Variants in FAM20C observed in about 807,000 individuals in gnomAD.
FAM20C encodes the protein FAM20C golgi associated secretory pathway kinase, also known as extracellular serine/threonine protein kinase FAM20C.
In FAM20C, 40 loss-of-function variants were observed where a neutral mutation model predicts 51.5. The observed-to-expected ratio is 0.78, with a 90% CI of 0.60 to 1.01. FAM20C has a LOEUF of 1.01. Ranked by LOEUF, FAM20C falls within the 50% of genes least tolerant of loss-of-function variation. FAM20C has a pLI of 0.00. For synonymous variants in FAM20C, 406 were observed against 380.6 expected, an observed-to-expected ratio of 1.07 and a Z score of -0.78; for missense variants, 861 against 844.7, an observed-to-expected ratio of 1.02 and a Z score of -0.24.
At position 208,950 on chromosome 7, in the gene FAM20C, C is replaced by G; in HGVS notation, c.837C>G (p.Tyr279Ter). The G allele has an allele frequency of 6.3e-7, 1 of 1,585,466 alleles. No individual in the cohort carries two copies. ...AGCTCATCATGACCTTCCAGAATTA[C>G]GGGCAAGCGCTGTTCAAACCCATGA... ...QLKLIMTFQN[Y>*]GQALFKPMKQ... The change falls in exon 3 of 10, where the codon TAC becomes TAG. Residue 279 changes from tyrosine to a stop codon, truncating the protein, a stop_gained. Transcript: ENST00000313766. LOFTEE classifies it high-confidence loss of function.
chr7:217,304 G>A (rs1262237346), intron 3 of FAM20C, among the ~76,000 whole-genome samples: 1 of 27,704 alleles, frequency 3.6e-5, no homozygotes, highest in African/African-American at 1.4e-4. Context: ...GGCTTGCCCA[G>A]GCCCCTCCTG....
intron 2 of FAM20C, among the ~76,000 whole-genome samples, chr7:202,819 C>A (rs573326006): frequency 2.3e-4 from 35 of 151,430 alleles, no homozygotes; most frequent in African/African-American, 8.0e-4. Flanking sequence ...GGAATGGGGC[C>A]CGTGGACATC....
chr7:257,096 T>G lies in FAM20C; in HGVS notation c.1445+10T>G. On this transcript the variant is annotated intron_variant, in intron 8 of 9. Transcript: ENST00000313766. ...TAGACAATGGAAGAGGGTGAGCCTG[T>G]CCTCGCCCCTGCACACCCAGGGAAG... 6.5e-7 allele frequency: 1 copy of G among 1,536,558 alleles called. No homozygotes were observed. Among genetic ancestry groups the G allele is most frequent in the African/African-American group, 1.4e-5 (1 of 73,120 alleles).
intron 3 of FAM20C, among the ~76,000 whole-genome samples, chr7:232,985 G>A (rs975694792): frequency 1.4e-4 from 21 of 152,222 alleles, no homozygotes; most frequent in African/African-American, 3.1e-4. Flanking sequence ...ACGGACGTTC[G>A]GAACAGCAGG....
At chr7:257,998 TGGGGTGCTG>T (rs1562401294) in intron 8 of FAM20C, among the ~76,000 whole-genome samples, 2 of 62,196 alleles carry the variant, frequency 3.2e-5, no homozygotes, top group African/African-American at 1.6e-4. Flanking sequence ...ACCCACTGCC[TGGGGTGCTG>T]GAGATGGGGC....
At chr7:214,783 G>A (rs983171656) in intron 3 of FAM20C, among the ~76,000 whole-genome samples, 6 of 152,198 alleles carry the variant, frequency 3.9e-5, no homozygotes, top group African/African-American at 7.2e-5. Context: ...TGAGTCCGGT[G>A]GACGCACCCA....
At position 193,415 on chromosome 7, in the gene FAM20C, C is replaced by T; in HGVS notation, c.216C>T (p.Ala72=). 1 of 1,413,408 alleles carries T rather than the reference C, an allele frequency of 7.1e-7. No homozygotes were observed. 87.6% of individuals were successfully genotyped at this position (1,413,408 alleles called of 1,614,324 possible). The part of the protein sequence containing the change: ...QVRGRPGEPP[A]ASSAAGDAGW... The stretch of plus-strand genomic sequence containing the variant: ...GGGGCCGCCCCGGGGAGCCCCCGGC[C>T]GCCTCCTCCGCCGCCGGCGACGCGG... Residue 72 remains alanine (A), a synonymous_variant, in exon 1 of 10, where the codon GCC becomes GCT. Coordinates refer to ENST00000313766, the MANE Select transcript of FAM20C (RefSeq NM_020223.4).
chr7:220,830 C>T (rs569713819), intron 3 of FAM20C, among the ~76,000 whole-genome samples: 51 of 152,342 alleles, frequency 3.3e-4, no homozygotes, highest in East Asian at 9.6e-4. Flanking sequence ...GGCACCCAGC[C>T]GTCACGCCCT....
At chr7:242,257 C>T (rs1326311617) in intron 3 of FAM20C, among the ~76,000 whole-genome samples, 1 of 152,198 alleles carries the variant, frequency 6.6e-6, no homozygotes, top group African/African-American at 2.4e-5. Flanking sequence ...CCTGGGCTGG[C>T]GAGGGTCAGT....
chr7:257,586 C>G (rs534548168), intron 8 of FAM20C: 5 of 178,646 alleles, frequency 2.8e-5, no homozygotes, highest in Admixed American at 1.7e-4. Context: ...TTCCCAGGCT[C>G]GGAGGCCTCA....
At position 258,352 on chromosome 7, in the gene FAM20C, CACT is replaced by C. The variant is rs1243880602; in HGVS notation, c.1446-293_1446-291del. On this transcript the variant is annotated intron_variant, in intron 8 of 9. Transcript: ENST00000313766. The stretch of plus-strand genomic sequence containing the variant: ...GTGCTGGAGATGGGCAGGGTGGACC[CACT>C]GCCTGAGGTGCTGGAGATGGGCAGG... Among the ~76,000 whole-genome samples the C allele has an allele frequency of 6.1e-5, 7 of 114,024 alleles. 2 individuals are homozygous for C. The highest frequency in any genetic ancestry group is 1.6e-4 in the Admixed American group (2 of 12,602). The allele number at this position is 114,024 out of a possible 152,430, so 74.8% of individuals were successfully genotyped here.
At chr7:259,198 G>A (rs1175654839) in intron 9 of FAM20C, among the ~76,000 whole-genome samples, 1 of 151,542 alleles carries the variant, frequency 6.6e-6, no homozygotes, top group Non-Finnish European at 1.5e-5. Flanking sequence ...TCCTGGGTGA[G>A]TGGGCCGCCC....
chr7:226,367 G>C (rs1325269844), intron 3 of FAM20C, among the ~76,000 whole-genome samples: 1 of 152,144 alleles, frequency 6.6e-6, no homozygotes, highest in Non-Finnish European at 1.5e-5. Context: ...ACAGATCAAC[G>C]TTAACAGCGT....
At chr7:233,366 G>A (rs1276036067) in intron 3 of FAM20C, among the ~76,000 whole-genome samples, 1 of 152,192 alleles carries the variant, frequency 6.6e-6, no homozygotes, top group Non-Finnish European at 1.5e-5. Context: ...TTTCCAGCTG[G>A]GACTAAATCA....
At position 217,641 on chromosome 7, in the gene FAM20C, C is replaced by T. The variant is rs1787062545; in HGVS notation, c.863+8665C>T. On this transcript the variant is annotated intron_variant, in intron 3 of 9. Coordinates refer to ENST00000313766, the MANE Select transcript of FAM20C (RefSeq NM_020223.4). ...GAAGCGGCTTCTGAGGCCTTTCTCG[C>T]ACCCATGTCTAGGGCCAGGCAGAGG... Among the ~76,000 whole-genome samples the T allele has an allele frequency of 4.6e-5, 7 of 152,288 alleles. No individual in the cohort carries two copies. In the South Asian group the frequency reaches 1.5e-3, roughly 32 times the overall value.
chr7:199,590 C>T (rs916559704), intron 2 of FAM20C, among the ~76,000 whole-genome samples: 39 of 152,334 alleles, frequency 2.6e-4, no homozygotes, highest in African/African-American at 8.7e-4. Flanking sequence ...AGCCTTCCCT[C>T]GGAACGGTTC....
intron 3 of FAM20C, among the ~76,000 whole-genome samples, chr7:233,895 C>A (rs1787773252): frequency 1.3e-5 from 2 of 152,226 alleles, no homozygotes; most frequent in African/African-American, 2.4e-5. Context: ...TGTTGTTTTT[C>A]AGAGCTGAGG....
rs1369850915 is a variant in FAM20C at position 256,035 on chromosome 7, T to C, written c.1253+6T>C. On this transcript the variant is annotated splice_donor_region_variant and intron_variant, in intron 6 of 9. Coordinates refer to ENST00000313766, the MANE Select transcript of FAM20C (RefSeq NM_020223.4). ...CACAAGCGCAAGAAGGCCGAGTGAG[T>C]GCGGGGCCGGGGGGCTGGCGTCCGG... 1.3e-6 allele frequency: 2 copies of C among 1,533,658 alleles called. No individual in the cohort carries two copies. Among genetic ancestry groups the C allele is most frequent in the Non-Finnish European group, 1.7e-6 (2 of 1,145,698 alleles).
chr7:201,771 G>A (rs946024331), intron 2 of FAM20C, among the ~76,000 whole-genome samples: 4 of 152,178 alleles, frequency 2.6e-5, no homozygotes, highest in Non-Finnish European at 5.9e-5. Flanking sequence ...TACGAACATC[G>A]CCTCTGTCTC....
Sources: allele counts gnomAD v4.1 joint callset (sites outside exome capture counted in the v4.1 genomes callset), GRCh38; gene constraint gnomAD v4.1.1; transcripts MANE v1.5; gene names NCBI Gene and HGNC (gene_info 2026-07-23, HGNC 2026-07-21).